ADAMTS7: variants seen among roughly 807,000 people sequenced by gnomAD.
ADAMTS7 encodes the protein ADAM metallopeptidase with thrombospondin type 1 motif 7.
ADAMTS7 carries 89 observed loss-of-function variants against 172.6 expected under a neutral mutation model. The observed-to-expected ratio is 0.52, with a 90% CI of 0.43 to 0.61. The LOEUF is 0.61. Ranked by LOEUF, ADAMTS7 falls within the 20% of genes least tolerant of loss-of-function variation. The pLI, the probability that ADAMTS7 is intolerant of heterozygous loss-of-function variation, is 0.00. For missense variants in ADAMTS7, 1,973 were observed against 2,355.6 expected (o/e 0.84, Z 3.36); for synonymous variants, 885 against 978.4 (o/e 0.90, Z 1.78).
intron 4 of ADAMTS7, among the ~76,000 whole-genome samples, chr15:78,792,756 G>A (rs775118912): frequency 3.9e-5 from 6 of 152,186 alleles, no homozygotes; most frequent in Non-Finnish European, 8.8e-5. Flanking sequence ...AGAGGCTGCA[G>A]TGAGCTGAGA....
rs1324586830 is a variant in ADAMTS7, at chr15:78,767,396, C to T, written c.2842G>A (p.Val948Met). 2.5e-6 allele frequency: 4 copies of T among 1,611,728 alleles called. No homozygotes were observed. Among genetic ancestry groups the T allele is most frequent in the Non-Finnish European group, 3.4e-6 (4 of 1,179,836 alleles). The change falls in exon 18 of 24, where the codon GTG becomes ATG. Residue 948 changes from valine to methionine, a missense_variant. Val to Met is a conservative substitution (Grantham distance 21). This residue lies in a region of ADAMTS7 where 771 missense variants were observed against 952.6 expected (regional missense o/e 0.81). Transcript: ENST00000388820. ...ACACTCACCTGAGACCAGTTCCCCA[C>T]AGCCCAGGTGGCCGGACAGGGTACA... ...RHVPCPATWA[V>M]GNWSQCSVTC...
chr15:78,765,699 G>T lies in ADAMTS7; in HGVS notation c.4212C>A (p.Pro1404=). Residue 1404 remains proline (P), a synonymous_variant, in exon 19 of 24, where the codon CCC becomes CCA. Transcript: ENST00000388820. ...LAPSLAEAGP[P]ADPLVVRNAG... ...CGTTCCTGACAACCAACGGGTCCGC[G>T]GGGGGCCCCGCTTCAGCCAGGCTGG... The T allele has an allele frequency of 6.2e-7, 1 of 1,609,090 alleles. No homozygotes were observed. Among genetic ancestry groups the T allele is most frequent in the Non-Finnish European group, 8.5e-7 (1 of 1,178,592 alleles).
chr15:78,771,509 G>A lies in ADAMTS7; in HGVS notation c.2376+76C>T, dbSNP rs766783989. ...GAACCAGGGCTCACTCCTCCAGGAC[G>A]AGACCTGCCATGGAGGGTGCTGGGC... is the stretch of plus-strand genomic sequence containing the variant. On this transcript the variant is annotated intron_variant, in intron 15 of 23. Coordinates refer to ENST00000388820, the MANE Select transcript of ADAMTS7 (RefSeq NM_014272.5). This position sits in a 1 kb window ranked among gnomAD's most constrained non-coding sequence, Gnocchi z 4.9. The A allele has an allele frequency of 1.2e-5, 18 of 1,543,808 alleles. No individual in the cohort carries two copies. In the African/African-American group the frequency reaches 1.5e-4, roughly 13 times the overall value.
chr15:78,808,521 C>G (rs2055824940), intron 1 of ADAMTS7, among the ~76,000 whole-genome samples: 1 of 152,194 alleles, frequency 6.6e-6, no homozygotes, highest in Non-Finnish European at 1.5e-5. Flanking sequence ...CAAGCATGAG[C>G]CACTGCAGCC....
At chr15:78,795,579 T>A (rs2055632117) in intron 4 of ADAMTS7, among the ~76,000 whole-genome samples, 1 of 151,970 alleles carries the variant, frequency 6.6e-6, no homozygotes, top group Non-Finnish European at 1.5e-5. Context: ...TTGCAGGAGG[T>A]GAGGGGCTGG....
At chr15:78,785,952 G>GA (rs1405689744) in intron 8 of ADAMTS7, among the ~76,000 whole-genome samples, 1 of 150,680 alleles carries the variant, frequency 6.6e-6, no homozygotes, top group African/African-American at 2.4e-5. Context: ...TTGAGACGGA[G>GA]TTTTTTTGCT....
intron 13 of ADAMTS7, among the ~76,000 whole-genome samples, 200 bp from the exon 14 acceptor site, chr15:78,773,403 A>G (rs1278996046): frequency 6.6e-6 from 1 of 151,632 alleles, no homozygotes; most frequent in African/African-American, 2.4e-5. Context: ...CTCAGATGTG[A>G]GACGGGGAGA....
intron 4 of ADAMTS7, among the ~76,000 whole-genome samples, chr15:78,793,124 T>C (rs2055602753): frequency 6.6e-6 from 1 of 152,200 alleles, no homozygotes; most frequent in African/African-American, 2.4e-5. Flanking sequence ...TTATCTCATT[T>C]AATCTTCTTA....
intron 1 of ADAMTS7, 59 bp from the exon 2 acceptor site, chr15:78,800,606 G>T: frequency 1.3e-6 from 2 of 1,514,958 alleles, no homozygotes; most frequent in South Asian, 1.2e-5. Context: ...CTTGCTGGTG[G>T]CCGGGGACCA....
rs1053017060 is a variant in ADAMTS7 at position 78,798,000 on chromosome 15, C to A, written c.570G>T (p.Glu190Asp). Residue 190 changes from glutamate (E) to aspartate (D), a missense_variant, in exon 3 of 24, where the codon GAG becomes GAT. Coordinates refer to ENST00000388820, the MANE Select transcript of ADAMTS7 (RefSeq NM_014272.5). ...PHVVYKRQAP[E>D]RLAQRGDSSA... The stretch of plus-strand genomic sequence containing the variant: ...TGGAATCACCCCGCTGTGCCAGCCT[C>A]TCCGGGGCCTGACGCTTGTACACCA... 1 of 1,589,170 alleles carries A rather than the reference C, an allele frequency of 6.3e-7. No individual in the cohort carries two copies. The highest frequency in any genetic ancestry group is 8.5e-7 in the Non-Finnish European group (1 of 1,170,450).
Position 78,763,989 on chromosome 15 carries a change from C to T in ADAMTS7, c.4530G>A (p.Pro1510=), listed in dbSNP as rs772623491. The change falls in exon 21 of 24, where the codon CCG becomes CCA. Residue 1510 remains proline, a synonymous_variant. Coordinates refer to ENST00000388820, the MANE Select transcript of ADAMTS7 (RefSeq NM_014272.5). ...GGGCCCCGCAGGGCCGGTGCGCAGG[C>T]GGCTTGGCAGGCCCGGGCTGACAAT... ...PFHCQPGPAK[P]PAHRPCGAQP... 21 of 1,544,952 alleles carry T rather than the reference C, an allele frequency of 1.4e-5. No homozygotes were observed. The highest frequency in any genetic ancestry group is 9.5e-5 in the East Asian group (4 of 42,066).
In ADAMTS7 at chr15:78,764,614, G is replaced by C. The variant is rs1426564231; in HGVS notation, c.4360C>G (p.Pro1454Ala). The stretch of plus-strand genomic sequence containing the variant: ...GGCCGCAGGTGGCAGCGGCGGGCAG[G>C]CTGGGGCCGGCCAGCGGGGGCGCAG... Reference protein sequence around the residue: ...EDCAPAGRPQPARRCHLRPCA... With the variant: ...EDCAPAGRPQAARRCHLRPCA... Residue 1454 changes from proline (P) to alanine (A), a missense_variant, in exon 20 of 24, where the codon CCT becomes GCT. Physicochemically the swap from Pro to Ala is conservative, Grantham distance 27. Transcript: ENST00000388820. The C allele has an allele frequency of 1.3e-6, 2 of 1,553,324 alleles. No homozygotes were observed. The highest frequency in any genetic ancestry group is 2.4e-5 in the East Asian group (1 of 42,432).
intron 4 of ADAMTS7, among the ~76,000 whole-genome samples, chr15:78,792,351 T>C (rs2055591829): frequency 6.6e-6 from 1 of 152,174 alleles, no homozygotes; most frequent in South Asian, 2.1e-4. Flanking sequence ...CAAGTTACCA[T>C]CATCATTTCG....
At position 78,764,058 on chromosome 15, in the gene ADAMTS7, C is replaced by A; in HGVS notation, c.4461G>T (p.Val1487=). The A allele has an allele frequency of 2.0e-6, 3 of 1,531,182 alleles. No individual in the cohort carries two copies. Among genetic ancestry groups the A allele is most frequent in the Non-Finnish European group, 2.6e-6 (3 of 1,136,040 alleles). 94.8% of individuals were successfully genotyped at this position (1,531,182 alleles called of 1,614,324 possible). A position where few individuals can be genotyped will look rare whatever the true frequency, so the allele number is the denominator to read the frequency against. The stretch of plus-strand genomic sequence containing the variant: ...GGAGGTCCCGTGTGTCCACACACTG[C>A]ACGTCCCGCACTGAGGAACCTCCGC... ...SCGGGSSVRD[V]QCVDTRDLRP... Residue 1487 remains valine, a synonymous_variant, in exon 21 of 24, where the codon GTG becomes GTT. Transcript: ENST00000388820.
At chr15:78,763,117 C>T (rs1052548416) in intron 22 of ADAMTS7, among the ~76,000 whole-genome samples, 3 of 152,330 alleles carry the variant, frequency 2.0e-5, no homozygotes, top group Admixed American at 1.3e-4. Context: ...TCCTCCTGAC[C>T]CTCCTCTCCT....
At chr15:78,774,481 G>A (rs1026183285) in intron 12 of ADAMTS7, 143 bp downstream of exon 12, 39 of 1,400,348 alleles carry the variant, frequency 2.8e-5, no homozygotes, top group Non-Finnish European at 3.2e-5. Context: ...GGAGCTAGGG[G>A]CGAGCAGCAG....
intron 6 of ADAMTS7, 52 bp from the exon 7 acceptor site, chr15:78,789,890 C>T (rs1364299801): frequency 6.5e-7 from 1 of 1,537,706 alleles, no homozygotes; most frequent in Non-Finnish European, 8.8e-7. Flanking sequence ...GTGCCAGGCC[C>T]ACCTGAGCTA....
intron 12 of ADAMTS7, 54 bp from the exon 13 acceptor site, chr15:78,774,354 G>A (rs1567216539): frequency 1.3e-6 from 2 of 1,500,770 alleles, no homozygotes; most frequent in East Asian, 4.7e-5. Context: ...GAGTATGGAG[G>A]CCACCAGGAA....
chr15:78,768,094 A>AG (rs1244209916), intron 17 of ADAMTS7, 39 bp downstream of exon 17: 1 of 712,464 alleles, frequency 1.4e-6, no homozygotes. Context: ...TTGGCGGGGG[A>AG]TGGGGTGGGG....
Sources: allele counts gnomAD v4.1 joint callset (sites outside exome capture counted in the v4.1 genomes callset), GRCh38; gene constraint gnomAD v4.1.1; regional missense constraint gnomAD v4.1.1; non-coding constraint Gnocchi (gnomAD v3.1); transcripts MANE v1.5; gene names NCBI Gene and HGNC (gene_info 2026-07-23, HGNC 2026-07-21).